The following MARCHF4 variants were observed in gnomAD, a reference collection of about 807,000 sequenced individuals.
MARCHF4 encodes the protein E3 ubiquitin-protein ligase MARCHF4.
MARCHF4 carries 14 observed loss-of-function variants against 43.9 expected under a neutral mutation model. That is an observed-to-expected ratio of 0.32 (90% CI 0.21 to 0.50). The LOEUF is 0.50. Ranked by LOEUF, MARCHF4 falls within the 20% of genes least tolerant of loss-of-function variation. The probability of loss-of-function intolerance (pLI) is 0.98; values close to 1 mark genes in which losing one functional copy is unlikely to be tolerated. For synonymous variants in MARCHF4, 226 were observed against 213.3 expected (o/e 1.06, Z -0.52); for missense variants, 468 against 536.7 (o/e 0.87, Z 1.27).
intron 2 of MARCHF4, among the ~76,000 whole-genome samples, chr2:216,279,337 CAACTGG>C (rs1299187278): frequency 9.2e-5 from 14 of 152,088 alleles, no homozygotes; most frequent in Non-Finnish European, 4.4e-5. Flanking sequence ...TGGGGTGAGA[CAACTGG>C]AAAAGGAAGA....
chr2:216,342,848 AGGCCCTGGGTGGGG>A (rs1692257368), intron 1 of MARCHF4, among the ~76,000 whole-genome samples: 1 of 151,948 alleles, frequency 6.6e-6, no homozygotes, highest in Non-Finnish European at 1.5e-5. Flanking sequence ...GTTCCTTCCC[AGGCCCTGGGTGGGG>A]CCACCAGCTG....
At chr2:216,330,536 A>G (rs1313814205) in intron 1 of MARCHF4, among the ~76,000 whole-genome samples, 1 of 152,180 alleles carries the variant, frequency 6.6e-6, no homozygotes, top group Non-Finnish European at 1.5e-5. Flanking sequence ...TGCATACAAA[A>G]CACTGTTCAC....
chr2:216,294,035 C>G (rs577762795), intron 1 of MARCHF4, among the ~76,000 whole-genome samples: 1 of 152,212 alleles, frequency 6.6e-6, no homozygotes, highest in Admixed American at 6.5e-5. Flanking sequence ...TCAGTTCTCC[C>G]CCTGGCTAAA....
intron 1 of MARCHF4, among the ~76,000 whole-genome samples, chr2:216,301,401 G>C (rs1691491610): frequency 6.6e-6 from 1 of 152,194 alleles, no homozygotes; most frequent in African/African-American, 2.4e-5. Context: ...ACTTCCATGA[G>C]AGAAGCACCA....
At chr2:216,340,377 T>C (rs1692218127) in intron 1 of MARCHF4, among the ~76,000 whole-genome samples, 1 of 152,168 alleles carries the variant, frequency 6.6e-6, no homozygotes, top group African/African-American at 2.4e-5. Flanking sequence ...CAGTTCGGTT[T>C]CACCAGGAAT....
chr2:216,317,705 T>C (rs893368480), intron 1 of MARCHF4, among the ~76,000 whole-genome samples: 1 of 152,176 alleles, frequency 6.6e-6, no homozygotes, highest in Non-Finnish European at 1.5e-5. Context: ...TGAGCCACCA[T>C]GCCCAGCCCC....
rs937312605 is a variant in MARCHF4 at position 216,352,555 on chromosome 2, C to T, written c.516+17190G>A. Among the ~76,000 whole-genome samples, 3 of 152,086 alleles carry T rather than the reference C, an allele frequency of 2.0e-5. No homozygotes were observed. The South Asian group carries it at 6.2e-4, about 32-fold the overall frequency. On this transcript the variant is annotated intron_variant, in intron 1 of 3. Coordinates refer to ENST00000273067, the MANE Select transcript of MARCHF4 (RefSeq NM_020814.3). ...TTTTTTTAATAGAGACAGGGTCCCA[C>T]TATGTTGCCCAGGCTGGTCCTGAAC...
At chr2:216,368,195 T>C (rs1692696811) in intron 1 of MARCHF4, among the ~76,000 whole-genome samples, 1 of 152,192 alleles carries the variant, frequency 6.6e-6, no homozygotes, top group South Asian at 2.1e-4. Flanking sequence ...AATAATTCTT[T>C]CTTTTGGAGA....
At chr2:216,315,160 T>C (rs1315145365) in intron 1 of MARCHF4, among the ~76,000 whole-genome samples, 1 of 152,036 alleles carries the variant, frequency 6.6e-6, no homozygotes, top group Non-Finnish European at 1.5e-5. Context: ...GAAACACAAA[T>C]AATCAATAAA....
chr2:216,363,200 G>A (rs1692614170), intron 1 of MARCHF4, among the ~76,000 whole-genome samples: 1 of 152,106 alleles, frequency 6.6e-6, no homozygotes, highest in Admixed American at 6.5e-5. Flanking sequence ...TTTCTCAATG[G>A]GGGCCTCAGC....
At chr2:216,329,151 C>T (rs1282458320) in intron 1 of MARCHF4, among the ~76,000 whole-genome samples, 1 of 152,102 alleles carries the variant, frequency 6.6e-6, no homozygotes, top group Non-Finnish European at 1.5e-5. Flanking sequence ...GAGGCCAAGG[C>T]GGGTGGATCA....
At chr2:216,290,349 G>A (rs1367181408) in intron 1 of MARCHF4, among the ~76,000 whole-genome samples, 1 of 152,228 alleles carries the variant, frequency 6.6e-6, no homozygotes, top group Non-Finnish European at 1.5e-5. Context: ...AGGCCCTGAG[G>A]CAGAAACATG....
At chr2:216,279,050 G>C (rs1208502516) in intron 2 of MARCHF4, among the ~76,000 whole-genome samples, 1 of 152,210 alleles carries the variant, frequency 6.6e-6, no homozygotes, top group African/African-American at 2.4e-5. Flanking sequence ...ATAGTCTAGG[G>C]AACTTAGACA....
chr2:216,299,564 C>G (rs1455821067), intron 1 of MARCHF4, among the ~76,000 whole-genome samples: 1 of 152,158 alleles, frequency 6.6e-6, no homozygotes, highest in Admixed American at 6.5e-5. Flanking sequence ...CTTAATCTAA[C>G]CTGTATTTTC....
chr2:216,316,584 G>A (rs552145705), intron 1 of MARCHF4, among the ~76,000 whole-genome samples: 9 of 152,202 alleles, frequency 5.9e-5, no homozygotes, highest in Non-Finnish European at 1.3e-4. Flanking sequence ...CGGGGACAGG[G>A]TCAGAAGAAC....
chr2:216,277,872 G>A lies in MARCHF4; in HGVS notation c.673-8C>T. The A allele has an allele frequency of 1.3e-6, 2 of 1,599,996 alleles. No individual in the cohort carries two copies. The highest frequency in any genetic ancestry group is 8.6e-7 in the Non-Finnish European group (1 of 1,168,822). On this transcript the variant is annotated splice_region_variant and splice_polypyrimidine_tract_variant and intron_variant, in intron 2 of 3. Coordinates refer to ENST00000273067, the MANE Select transcript of MARCHF4 (RefSeq NM_020814.3). ...CAGAGAGATGGCCTGCCACTGCAGG[G>A]GAGAGAGTGGCCAGTTAGCAGTTGC...
At chr2:216,296,955 G>T (rs556663203) in intron 1 of MARCHF4, among the ~76,000 whole-genome samples, 1 of 152,268 alleles carries the variant, frequency 6.6e-6, no homozygotes, top group South Asian at 2.1e-4. Context: ...ATGCCTCGTC[G>T]TTCTCACCAG....
chr2:216,339,280 C>T (rs1692203963), intron 1 of MARCHF4, among the ~76,000 whole-genome samples: 1 of 152,172 alleles, frequency 6.6e-6, no homozygotes, highest in Non-Finnish European at 1.5e-5. Context: ...GTGTAGTGTT[C>T]AATGGCCATG....
At chr2:216,311,081 T>C (rs1233331231) in intron 1 of MARCHF4, among the ~76,000 whole-genome samples, 1 of 152,234 alleles carries the variant, frequency 6.6e-6, no homozygotes, top group Non-Finnish European at 1.5e-5. Context: ...ATCTCTCCTC[T>C]AATCTTTTCT....
Sources: gnomAD v4.1 joint callset for allele counts (sites outside exome capture counted in the v4.1 genomes callset) on GRCh38, gnomAD v4.1.1 for gene constraint, MANE v1.5 for transcripts, NCBI Gene and HGNC (gene_info 2026-07-23, HGNC 2026-07-21) for gene names.